Variants in CSNK1G1 observed in about 807,000 individuals in gnomAD.
CSNK1G1 encodes the protein casein kinase 1 gamma 1, also known as casein kinase I isoform gamma-1.
In CSNK1G1, 22 loss-of-function variants were observed where a neutral mutation model predicts 59.6. That is an observed-to-expected ratio of 0.37 (90% CI 0.26 to 0.53). The LOEUF (loss-of-function observed/expected upper bound fraction) is 0.53, where lower values mean the gene tolerates loss of function less well. Among genes scored for constraint, CSNK1G1 ranks in the 20% least tolerant of loss-of-function variants. The probability of loss-of-function intolerance (pLI) is 0.89; values close to 1 mark genes in which losing one functional copy is unlikely to be tolerated. For synonymous variants in CSNK1G1, 179 were observed against 177.1 expected (o/e 1.01, Z -0.08); for missense variants, 384 against 519.5 (o/e 0.74, Z 2.54).
chr15:64,296,937 C>CTTTT (rs960068624), intron 2 of CSNK1G1, among the ~76,000 whole-genome samples: 35 of 89,658 alleles, frequency 3.9e-4, no homozygotes, highest in African/African-American at 9.3e-4. Context: ...ACTATCGTTA[C>CTTTT]TTTTTTTTTT....
chr15:64,181,597 C>A, intron 10 of CSNK1G1: 2 of 637,894 alleles, frequency 3.1e-6, no homozygotes, highest in Non-Finnish European at 5.0e-6. Flanking sequence ...ATAAGGGAAG[C>A]AGCATAGTGT....
At chr15:64,289,695 T>A (rs530419030) in intron 2 of CSNK1G1, among the ~76,000 whole-genome samples, 1 of 152,062 alleles carries the variant, frequency 6.6e-6, no homozygotes, top group African/African-American at 2.4e-5. Context: ...GAAACTAATA[T>A]CCAATTACAA....
At chr15:64,306,711 C>G (rs906510378) in intron 1 of CSNK1G1, among the ~76,000 whole-genome samples, 4 of 151,918 alleles carry the variant, frequency 2.6e-5, no homozygotes, top group African/African-American at 9.7e-5. Context: ...TTGTAGTTGT[C>G]AAAAAATGAA....
rs997249761 is a variant in CSNK1G1 at position 64,166,156 on chromosome 15, T to A, written c.*5775A>T. On this transcript the variant is annotated 3_prime_UTR_variant, in exon 12 of 12. Coordinates refer to ENST00000303052, the MANE Select transcript of CSNK1G1 (RefSeq NM_022048.5). This position sits in a 1 kb window ranked among gnomAD's most constrained non-coding sequence, Gnocchi z 4.5. ...TCCACACATTAAAACTGATTTCCAC[T>A]GCTGATTTATACATTATCTAGTTGT... 4.5e-5 allele frequency: 23 copies of A among 513,368 alleles called. No homozygotes were observed. The highest frequency in any genetic ancestry group is 7.2e-5 in the Non-Finnish European group (21 of 290,264). 31.8% of individuals were successfully genotyped at this position (513,368 alleles called of 1,614,324 possible).
chr15:64,212,653 G>A (rs781185900), intron 6 of CSNK1G1, among the ~76,000 whole-genome samples: 2 of 152,182 alleles, frequency 1.3e-5, no homozygotes, highest in East Asian at 1.9e-4. Context: ...AGGTTATAGT[G>A]AGCTATGATC....
At chr15:64,322,963 T>G (rs2140442448) in intron 1 of CSNK1G1, among the ~76,000 whole-genome samples, 1 of 152,182 alleles carries the variant, frequency 6.6e-6, no homozygotes, top group South Asian at 2.1e-4. Flanking sequence ...CTCGCTCTGT[T>G]GCCCAGGCTG....
At chr15:64,250,657 A>G (rs1193467003) in intron 4 of CSNK1G1, among the ~76,000 whole-genome samples, 1 of 152,142 alleles carries the variant, frequency 6.6e-6, no homozygotes, top group Non-Finnish European at 1.5e-5. Context: ...AGGCAGGAGA[A>G]CTGCTTGAGC....
At chr15:64,340,802 T>C (rs979267785) in intron 1 of CSNK1G1, among the ~76,000 whole-genome samples, 1 of 152,154 alleles carries the variant, frequency 6.6e-6, no homozygotes, top group Non-Finnish European at 1.5e-5. Flanking sequence ...GATAGTTTTT[T>C]AAAAATTAGC....
intron 2 of CSNK1G1, among the ~76,000 whole-genome samples, chr15:64,264,974 G>A (rs1892902807): frequency 6.6e-6 from 1 of 152,120 alleles, no homozygotes; most frequent in African/African-American, 2.4e-5. Flanking sequence ...AGACAAGGAT[G>A]CCCACTTTCA....
At chr15:64,233,574 G>A (rs1010095476) in intron 4 of CSNK1G1, among the ~76,000 whole-genome samples, 1 of 152,088 alleles carries the variant, frequency 6.6e-6, no homozygotes, top group Non-Finnish European at 1.5e-5. Context: ...ATTTCATCAC[G>A]CAGTAGGGTA....
chr15:64,192,840 TAAAAAAAA>T lies in CSNK1G1; in HGVS notation c.1107+10234_1107+10241del, dbSNP rs66643774. On this transcript the variant is annotated intron_variant, in intron 10 of 11. Transcript: ENST00000303052. ...CCTGAGTGACAGAGTGAGATCTGCC[TAAAAAAAA>T]AAAAAAAAAAAAAAAAAAAAAAAAA... is the stretch of plus-strand genomic sequence containing the variant. 6.5e-3 allele frequency among the ~76,000 whole-genome samples: 211 copies of T among 32,222 alleles called. 4 individuals carry two copies. The highest frequency in any genetic ancestry group is 0.024 in the African/African-American group (200 of 8,390). 21.1% of individuals were successfully genotyped at this position (32,222 alleles called of 152,430 possible).
At chr15:64,241,215 A>C (rs1046019367) in intron 4 of CSNK1G1, among the ~76,000 whole-genome samples, 5 of 152,324 alleles carry the variant, frequency 3.3e-5, no homozygotes, top group Non-Finnish European at 5.9e-5. Flanking sequence ...AGCAAGGAGG[A>C]GTAGATATAT....
chr15:64,173,343 T>C (rs1477936624), intron 11 of CSNK1G1, among the ~76,000 whole-genome samples: 1 of 152,194 alleles, frequency 6.6e-6, no homozygotes, highest in Non-Finnish European at 1.5e-5. Flanking sequence ...GCTTTAATCA[T>C]ATCTGAATGA....
Position 64,267,256 on chromosome 15 carries a change from C to CAA in CSNK1G1, c.182-8017_182-8016dup, listed in dbSNP as rs199581105. Among the ~76,000 whole-genome samples the CAA allele has an allele frequency of 2.4e-3, 151 of 61,784 alleles. 1 individual carries two copies. The highest frequency in any genetic ancestry group is 6.7e-3 in the African/African-American group (139 of 20,834). The allele number at this position is 61,784 out of a possible 152,430, so 40.5% of individuals were successfully genotyped here. ...TGGGAGACAAAGCGAGACCTTATCTCAAAAAAAAAAAAAAAAAAAGAAAAG... is the reference window on the plus strand; with the variant it reads ...TGGGAGACAAAGCGAGACCTTATCTCAAAAAAAAAAAAAAAAAAAAAGAAAAG... On this transcript the variant is annotated intron_variant, in intron 2 of 11. Transcript: ENST00000303052.
At chr15:64,352,852 G>A (rs2140497766) in intron 1 of CSNK1G1, among the ~76,000 whole-genome samples, 1 of 151,994 alleles carries the variant, frequency 6.6e-6, no homozygotes, top group Middle Eastern at 3.4e-3. Context: ...ACTTTGGGAG[G>A]CCAAAGCTGG....
intron 2 of CSNK1G1, among the ~76,000 whole-genome samples, chr15:64,282,365 C>T (rs1205070352): frequency 1.3e-5 from 2 of 152,034 alleles, no homozygotes; most frequent in Admixed American, 1.3e-4. Context: ...CTCCCGGGTT[C>T]AAGCAATTAG....
chr15:64,311,862 A>C (rs1896015699), intron 1 of CSNK1G1, among the ~76,000 whole-genome samples: 1 of 152,140 alleles, frequency 6.6e-6, no homozygotes, highest in Non-Finnish European at 1.5e-5. Flanking sequence ...CCTGGGCGAC[A>C]GAGTGAGACC....
At chr15:64,307,639 C>T (rs1401203846) in intron 1 of CSNK1G1, among the ~76,000 whole-genome samples, 1 of 152,218 alleles carries the variant, frequency 6.6e-6, no homozygotes, top group African/African-American at 2.4e-5. Flanking sequence ...TAGTAGTACA[C>T]TAAAGTACGG....
chr15:64,312,233 C>G (rs1330444249), intron 1 of CSNK1G1, among the ~76,000 whole-genome samples: 1 of 152,134 alleles, frequency 6.6e-6, no homozygotes, highest in East Asian at 1.9e-4. Flanking sequence ...TGACTTCCTT[C>G]ACAGAATTGG....
Sources: allele counts gnomAD v4.1 joint callset (sites outside exome capture counted in the v4.1 genomes callset), GRCh38; gene constraint gnomAD v4.1.1; non-coding constraint Gnocchi (gnomAD v3.1); transcripts MANE v1.5; gene names NCBI Gene and HGNC (gene_info 2026-07-23, HGNC 2026-07-21).